The following RELN variants were observed in gnomAD, a reference collection of about 807,000 sequenced individuals.
RELN encodes the protein reelin.
Under a neutral mutation model 427.6 loss-of-function variants are expected in RELN, and 108 were observed. The observed-to-expected ratio is 0.25, with a 90% CI of 0.22 to 0.30. The LOEUF (loss-of-function observed/expected upper bound fraction) is 0.30. RELN is among the 10% of genes least tolerant of loss of function. RELN has a pLI of 1.00. For synonymous variants in RELN, 1,524 were observed against 1,513.4 expected (o/e 1.01, Z -0.16); for missense variants, 3,715 against 4,302.8 (o/e 0.86, Z 3.82).
intron 6 of RELN, among the ~76,000 whole-genome samples, chr7:103,737,795 T>C (rs916908005): frequency 6.6e-6 from 1 of 152,206 alleles, no homozygotes; most frequent in African/African-American, 2.4e-5. Flanking sequence ...CATATGAAAA[T>C]GGAAATGTTC....
rs116506790 is a variant in RELN at position 103,771,517 on chromosome 7, G to A, written c.544+5040C>T. 2.0e-5 allele frequency among the ~76,000 whole-genome samples: 3 copies of A among 152,214 alleles called. No homozygotes were observed. The East Asian group carries it at 5.8e-4, about 30-fold the overall frequency. ...CCTTGGCTGTCCCAGCCAGTGACAGGCCCCCTTCTCAGCAGGCTGCTGGAG... is the reference window on the plus strand; with the variant it reads ...CCTTGGCTGTCCCAGCCAGTGACAGACCCCCTTCTCAGCAGGCTGCTGGAG... On this transcript the variant is annotated intron_variant, in intron 4 of 64. Transcript: ENST00000428762.
At chr7:103,920,249 T>C (rs1795582747) in intron 1 of RELN, among the ~76,000 whole-genome samples, 1 of 152,166 alleles carries the variant, frequency 6.6e-6, no homozygotes, top group Non-Finnish European at 1.5e-5. Flanking sequence ...CTTGCATAAG[T>C]AGAAGTTGTA....
chr7:103,760,969 A>C (rs1169626262), intron 4 of RELN, among the ~76,000 whole-genome samples: 1 of 151,504 alleles, frequency 6.6e-6, no homozygotes, highest in Non-Finnish European at 1.5e-5. Context: ...AGCTTCCAAA[A>C]ATGTTATAAA....
intron 55 of RELN, among the ~76,000 whole-genome samples, chr7:103,497,116 AAT>A (rs1346876421): frequency 6.6e-6 from 1 of 152,230 alleles, no homozygotes; most frequent in Non-Finnish European, 1.5e-5. Flanking sequence ...TCAGTATTAA[AAT>A]AGTTATTGTA....
chr7:103,955,371 T>A (rs1181903548), intron 1 of RELN, among the ~76,000 whole-genome samples: 1 of 152,188 alleles, frequency 6.6e-6, no homozygotes, highest in African/African-American at 2.4e-5. Context: ...CTCTAGAAAT[T>A]AAAATGAGTA....
intron 60 of RELN, 87 bp from the exon 61 acceptor site, chr7:103,486,503 G>T: frequency 1.0e-6 from 1 of 989,776 alleles, no homozygotes; most frequent in Non-Finnish European, 1.5e-6. Flanking sequence ...TCAGGTTTAA[G>T]TAGTTGTTAC....
chr7:103,947,585 G>A (rs1779284846), intron 1 of RELN, among the ~76,000 whole-genome samples: 2 of 152,064 alleles, frequency 1.3e-5, no homozygotes, highest in African/African-American at 4.8e-5. Context: ...AATCTGCCTG[G>A]GGATTTCAGA....
At chr7:103,568,416 A>G (rs999326575) in intron 31 of RELN, among the ~76,000 whole-genome samples, 4 of 152,206 alleles carry the variant, frequency 2.6e-5, no homozygotes, top group Non-Finnish European at 5.9e-5. Context: ...AGAGGATGAA[A>G]ATATGTTCAA....
chr7:103,578,390 G>A (rs1303037480), intron 28 of RELN, among the ~76,000 whole-genome samples: 1 of 152,198 alleles, frequency 6.6e-6, no homozygotes, highest in Non-Finnish European at 1.5e-5. Context: ...CCAGAACATG[G>A]TGAATCATAG....
At chr7:103,554,908 A>C (rs999046459) in intron 38 of RELN, among the ~76,000 whole-genome samples, 1 of 152,220 alleles carries the variant, frequency 6.6e-6, no homozygotes, top group Non-Finnish European at 1.5e-5. Context: ...ACCATACTTC[A>C]GTCAGGCTGA....
At chr7:103,598,183 T>C (rs1047218708) in intron 24 of RELN, among the ~76,000 whole-genome samples, 1 of 152,186 alleles carries the variant, frequency 6.6e-6, no homozygotes, top group Admixed American at 6.5e-5. Flanking sequence ...AATTAAGAGT[T>C]TTCAAAATAA....
chr7:103,889,603 A>G (rs264364), intron 2 of RELN, among the ~76,000 whole-genome samples: 1,808 of 152,234 alleles, frequency 0.012, 42 homozygotes, highest in African/African-American at 0.041. Context: ...TCCCCAGAAG[A>G]TACTACATCT....
intron 20 of RELN, among the ~76,000 whole-genome samples, chr7:103,616,872 T>C (rs1414306264): frequency 6.6e-6 from 1 of 152,208 alleles, no homozygotes; most frequent in East Asian, 1.9e-4. Context: ...TACATCCTTG[T>C]ATATCTTTGT....
At chr7:103,808,453 C>T (rs1052410559) in intron 3 of RELN, among the ~76,000 whole-genome samples, 5 of 151,950 alleles carry the variant, frequency 3.3e-5, no homozygotes, top group Non-Finnish European at 5.9e-5. Context: ...AACCTTTCTT[C>T]AACTCCTGCT....
chr7:103,551,280 G>C lies in RELN; in HGVS notation c.6089C>G (p.Ser2030Trp). 6.2e-7 allele frequency: 1 copy of C among 1,613,428 alleles called. No individual in the cohort carries two copies. Among genetic ancestry groups the C allele is most frequent in the Non-Finnish European group, 8.5e-7 (1 of 1,179,874 alleles). ...TGGATCCGCGGATGAGCTATCAGTC[G>C]AACAGCCAACGTTGATCTTGGGGAT... ...IIQFEINVGC[S>W]TDSSSADPVR... The change falls in exon 41 of 65, where the codon TCG (serine) becomes TGG (tryptophan). Residue 2030 changes from serine (S) to tryptophan (W), a missense_variant. Ser to Trp is a radical substitution (Grantham distance 177, BLOSUM62 -3). Transcript: ENST00000428762.
chr7:103,957,488 G>A (rs1435499449), intron 1 of RELN, among the ~76,000 whole-genome samples: 2 of 152,112 alleles, frequency 1.3e-5, no homozygotes, highest in East Asian at 1.9e-4. Context: ...TGGCAATCTC[G>A]TATTATAGAG....
At chr7:103,909,728 T>TATA (rs5886286) in intron 2 of RELN, among the ~76,000 whole-genome samples, 1 of 72,400 alleles carries the variant, frequency 1.4e-5, no homozygotes, top group Non-Finnish European at 2.2e-5. Context: ...ATTAAATATA[T>TATA]TTTTTAATAT....
intron 1 of RELN, among the ~76,000 whole-genome samples, chr7:103,924,991 TACACACACACACACACACAC>T (rs57662220): frequency 4.7e-4 from 23 of 49,100 alleles, no homozygotes; most frequent in African/African-American, 1.3e-3. Context: ...CGCATACACA[TACACACACACACACACACAC>T]ACACACACAC....
At chr7:103,738,000 G>C (rs1174616505) in intron 6 of RELN, among the ~76,000 whole-genome samples, 3 of 151,716 alleles carry the variant, frequency 2.0e-5, no homozygotes, top group African/African-American at 7.3e-5. Flanking sequence ...AGTCATCTAA[G>C]ATGCTATTTC....
Sources: allele counts gnomAD v4.1 joint callset (sites outside exome capture counted in the v4.1 genomes callset), GRCh38; gene constraint gnomAD v4.1.1; transcripts MANE v1.5; gene names NCBI Gene and HGNC (gene_info 2026-07-23, HGNC 2026-07-21).